The following GPC5 variants were observed in gnomAD, a reference collection of about 807,000 sequenced individuals.
The protein encoded by GPC5 is glypican 5.
Under a neutral mutation model 53.9 loss-of-function variants are expected in GPC5, and 47 were observed. The observed-to-expected ratio is 0.87, with a 90% CI of 0.69 to 1.11. The LOEUF (loss-of-function observed/expected upper bound fraction) is 1.11. Ranked by LOEUF, GPC5 falls within the 50% of genes most tolerant of loss-of-function variation. The probability of loss-of-function intolerance (pLI) is 0.00; values close to 1 mark genes in which losing one functional copy is unlikely to be tolerated. For missense variants in GPC5, 748 were observed against 713.1 expected (o/e 1.05, Z -0.56); for synonymous variants, 286 against 263.3 (o/e 1.09, Z -0.84).
chr13:92,244,531 C>T (rs372492760), intron 7 of GPC5, among the ~76,000 whole-genome samples: 6 of 152,112 alleles, frequency 3.9e-5, no homozygotes, highest in African/African-American at 1.4e-4. Context: ...ACGTTATGGT[C>T]CAATCTAGTT....
chr13:92,470,594 G>C (rs1878872062), intron 7 of GPC5, among the ~76,000 whole-genome samples: 1 of 152,132 alleles, frequency 6.6e-6, no homozygotes, highest in Non-Finnish European at 1.5e-5. Flanking sequence ...AGCAGAAGGT[G>C]CCTGGCCTCA....
At chr13:91,654,157 C>T (rs2034789728) in intron 2 of GPC5, among the ~76,000 whole-genome samples, 1 of 152,102 alleles carries the variant, frequency 6.6e-6, no homozygotes, top group Admixed American at 6.6e-5. Context: ...TGTTGGATTC[C>T]TGGTTCCATA....
At chr13:92,518,430 C>G (rs138627818) in intron 7 of GPC5, among the ~76,000 whole-genome samples, 3,965 of 152,158 alleles carry the variant, frequency 0.026, 194 homozygotes, top group African/African-American at 0.09. Context: ...GCAGATCTCT[C>G]GGCAGAAACT....
chr13:92,033,037 G>GTGTGTGTT (rs2083048936), intron 6 of GPC5, among the ~76,000 whole-genome samples: 1 of 3,752 alleles, frequency 2.7e-4, no homozygotes. Context: ...AGTTATTGTC[G>GTGTGTGTT]TGTGTGTGTG....
At chr13:92,447,638 G>A (rs1877882917) in intron 7 of GPC5, 1 of 152,026 alleles carries the variant, frequency 6.6e-6, no homozygotes, top group African/African-American at 2.4e-5. Context: ...GCTTTTGAAA[G>A]TAAAGTAATG....
At chr13:92,750,396 A>C (rs1889354009) in intron 7 of GPC5, among the ~76,000 whole-genome samples, 1 of 152,126 alleles carries the variant, frequency 6.6e-6, no homozygotes, top group Non-Finnish European at 1.5e-5. Flanking sequence ...TTTGGGGTTA[A>C]ATCTTCTTAA....
At chr13:92,277,074 A>T (rs1594059608) in intron 7 of GPC5, among the ~76,000 whole-genome samples, 1 of 151,908 alleles carries the variant, frequency 6.6e-6, no homozygotes, top group African/African-American at 2.4e-5. Flanking sequence ...ATAGGTTCCA[A>T]TTATGCCTGG....
chr13:92,026,438 AT>A (rs994113290), intron 6 of GPC5, among the ~76,000 whole-genome samples: 5 of 150,662 alleles, frequency 3.3e-5, no homozygotes, highest in African/African-American at 7.3e-5. Flanking sequence ...TGAAATAGGG[AT>A]TTTTTTCTTT....
intron 2 of GPC5, among the ~76,000 whole-genome samples, chr13:91,565,920 T>C: frequency 6.6e-6 from 1 of 152,196 alleles, no homozygotes; most frequent in East Asian, 1.9e-4. Flanking sequence ...TGGCACTTTT[T>C]GGTGTTCCTT....
In GPC5 at chr13:91,898,421, G is replaced by C. The variant is rs536683267; in HGVS notation, c.1281-9516G>C. Among the ~76,000 whole-genome samples the C allele has an allele frequency of 5.3e-5, 8 of 152,260 alleles. No homozygotes were observed. The East Asian group carries it at 1.5e-3, about 29-fold the overall frequency. ...GGACTAAATATTAGGCTGAAGGGTA[G>C]TGTTTCCTTCCCTAGGTCTTCGCGT... is the stretch of plus-strand genomic sequence containing the variant. On this transcript the variant is annotated intron_variant, in intron 5 of 7. Coordinates refer to ENST00000377067, the MANE Select transcript of GPC5 (RefSeq NM_004466.6).
At chr13:91,819,100 A>G (rs2038447464) in intron 5 of GPC5, among the ~76,000 whole-genome samples, 1 of 151,434 alleles carries the variant, frequency 6.6e-6, no homozygotes, top group South Asian at 2.1e-4. Flanking sequence ...AGATGTAAGC[A>G]ATATCCTGAC....
intron 7 of GPC5, among the ~76,000 whole-genome samples, chr13:92,502,778 G>A (rs1268559277): frequency 6.6e-6 from 1 of 151,984 alleles, no homozygotes; most frequent in Non-Finnish European, 1.5e-5. Flanking sequence ...TTTCTCAGTA[G>A]CTGATACAAT....
intron 5 of GPC5, among the ~76,000 whole-genome samples, chr13:91,904,549 C>T (rs891202925): frequency 1.3e-5 from 2 of 151,768 alleles, no homozygotes; most frequent in African/African-American, 4.8e-5. Flanking sequence ...TATAGTGTGG[C>T]CTTATTTGAG....
chr13:92,534,642 G>A (rs564048849), intron 7 of GPC5, among the ~76,000 whole-genome samples: 2 of 152,154 alleles, frequency 1.3e-5, no homozygotes, highest in South Asian at 2.1e-4. Flanking sequence ...CTTTTACTGA[G>A]TATTTCATAT....
At chr13:92,505,998 G>A (rs976891190) in intron 7 of GPC5, among the ~76,000 whole-genome samples, 1 of 152,094 alleles carries the variant, frequency 6.6e-6, no homozygotes, top group African/African-American at 2.4e-5. Flanking sequence ...AGGAGAGAAT[G>A]GGGGAATGGA....
intron 7 of GPC5, among the ~76,000 whole-genome samples, chr13:92,833,701 A>G (rs1878127626): frequency 6.6e-6 from 1 of 152,186 alleles, no homozygotes; most frequent in African/African-American, 2.4e-5. Flanking sequence ...ATTATGGGAC[A>G]TTATTGCAGA....
At chr13:91,930,609 T>C (rs1266272115) in intron 6 of GPC5, among the ~76,000 whole-genome samples, 1 of 152,092 alleles carries the variant, frequency 6.6e-6, no homozygotes, top group African/African-American at 2.4e-5. Flanking sequence ...GACAGTTTTA[T>C]GTTTCCACCT....
At chr13:91,974,044 A>G (rs2139096471) in intron 6 of GPC5, among the ~76,000 whole-genome samples, 1 of 152,310 alleles carries the variant, frequency 6.6e-6, no homozygotes, top group Non-Finnish European at 1.5e-5. Flanking sequence ...TGCAGAGGTT[A>G]CTGCTGTCTT....
chr13:91,886,525 C>T (rs1298186987), intron 5 of GPC5, among the ~76,000 whole-genome samples: 1 of 152,184 alleles, frequency 6.6e-6, no homozygotes, highest in African/African-American at 2.4e-5. Flanking sequence ...GAAAAGTCTA[C>T]AGTCCAAAGT....
Sources: allele counts gnomAD v4.1 joint callset (sites outside exome capture counted in the v4.1 genomes callset), GRCh38; gene constraint gnomAD v4.1.1; transcripts MANE v1.5; gene names NCBI Gene and HGNC (gene_info 2026-07-23, HGNC 2026-07-21).